The following CEP164 variants were observed in gnomAD, a reference collection of about 807,000 sequenced individuals.
CEP164 encodes centrosomal protein of 164 kDa.
A neutral mutation model predicts 182.7 loss-of-function variants in CEP164; 162 were observed. The ratio of observed to expected loss-of-function variants is 0.89; its 90% CI spans 0.78 to 1.01. The LOEUF is 1.01. Ranked by LOEUF, CEP164 falls within the 50% of genes least tolerant of loss-of-function variation. CEP164 has a pLI of 0.00. For synonymous variants in CEP164, 661 were observed against 690.0 expected (o/e 0.96, Z 0.66); for missense variants, 1,735 against 1,790.4 (o/e 0.97, Z 0.56).
chr11:117,406,043 C>T (rs1592481343), intron 27 of CEP164, among the ~76,000 whole-genome samples: 1 of 152,224 alleles, frequency 6.6e-6, no homozygotes, highest in Non-Finnish European at 1.5e-5. Flanking sequence ...CTGCCTGTTA[C>T]CCATTTCCAA....
chr11:117,339,950 A>G (rs959544148), intron 3 of CEP164, among the ~76,000 whole-genome samples: 1 of 152,140 alleles, frequency 6.6e-6, no homozygotes, highest in Non-Finnish European at 1.5e-5. Context: ...ATACAGTTCT[A>G]TTCTAAGTGG....
Position 117,363,468 on chromosome 11 carries a change from C to G in CEP164, c.727C>G (p.Leu243Val). ...SSSEPLRNLH[L>V]DIGALGGDFE... ...AAGTGAGCCTCTTAGGAACCTACAC[C>G]TGGACATTGGGGCACTGGGGGGTGA... Residue 243 changes from leucine (L) to valine (V), a missense_variant, in exon 8 of 33, where the codon CTG (leucine) becomes GTG (valine). Leu to Val is a conservative substitution (Grantham distance 32). Coordinates refer to ENST00000278935, the MANE Select transcript of CEP164 (RefSeq NM_014956.5). 6.2e-7 allele frequency: 1 copy of G among 1,614,078 alleles called. No homozygotes were observed. The highest frequency in any genetic ancestry group is 1.3e-5 in the African/African-American group (1 of 75,038).
chr11:117,328,815 G>A (rs1350244453), intron 1 of CEP164, among the ~76,000 whole-genome samples: 2 of 152,188 alleles, frequency 1.3e-5, no homozygotes, highest in African/African-American at 4.8e-5. Context: ...TAGTAGGTGG[G>A]GCTGCCTATT....
intron 27 of CEP164, among the ~76,000 whole-genome samples, chr11:117,398,407 G>A (rs1485229600): frequency 1.3e-5 from 2 of 152,184 alleles, no homozygotes; most frequent in African/African-American, 4.8e-5. Context: ...TACCATTCTG[G>A]GGGTCTGGAG....
chr11:117,355,904 G>A (rs1483408050), intron 5 of CEP164: 5 of 1,040,910 alleles, frequency 4.8e-6, no homozygotes, highest in Non-Finnish European at 5.8e-6. Flanking sequence ...GAGGGCTCCC[G>A]AGGAGCCTCC....
At chr11:117,367,302 G>A (rs1156400601) in intron 8 of CEP164, among the ~76,000 whole-genome samples, 2 of 152,216 alleles carry the variant, frequency 1.3e-5, no homozygotes, top group Non-Finnish European at 2.9e-5. Flanking sequence ...CCACCCTTGA[G>A]GTGCTGTCCT....
intron 1 of CEP164, among the ~76,000 whole-genome samples, chr11:117,333,217 G>T (rs910303953): frequency 9.9e-5 from 15 of 151,786 alleles, no homozygotes. Context: ...TCACTATGTT[G>T]ACCCAGCTAG....
Position 117,396,164 on chromosome 11 carries a change from G to A in CEP164, c.3200G>A (p.Arg1067Lys). ...CCAGATCTCCATATTGAGGACCTGA[G>A]GAAATCCCTTGGAACAGTGAGCTGG... ...FEPDLHIEDL[R>K]KSLGTNQTKE... Residue 1067 changes from arginine to lysine, a missense_variant, in exon 25 of 33, where the codon AGG (arginine) becomes AAG (lysine). Transcript: ENST00000278935. The A allele has an allele frequency of 6.3e-7, 1 of 1,575,286 alleles. No homozygotes were observed. The highest frequency in any genetic ancestry group is 8.7e-7 in the Non-Finnish European group (1 of 1,155,300).
At chr11:117,377,643 C>A (rs1029733256) in intron 11 of CEP164, among the ~76,000 whole-genome samples, 1 of 152,182 alleles carries the variant, frequency 6.6e-6, no homozygotes, top group Non-Finnish European at 1.5e-5. Context: ...CCATGTCTCT[C>A]TCAAGGGCAG....
At chr11:117,377,180 A>C (rs556481682) in intron 11 of CEP164, among the ~76,000 whole-genome samples, 8 of 92,444 alleles carry the variant, frequency 8.7e-5, no homozygotes, top group Non-Finnish European at 1.3e-4. Context: ...CTTGGAAGAC[A>C]GTTTTTCCAG....
rs1329538294 is a variant in CEP164, at chr11:117,397,333, G to A, written c.3501+20G>A. The stretch of plus-strand genomic sequence containing the variant: ...GAGAAGGTCAGGAGCTTTGGGAAGG[G>A]CCTGCCAGCCCTGTGTGGGGGAGGC... On this transcript the variant is annotated intron_variant, in intron 27 of 32. Coordinates refer to ENST00000278935, the MANE Select transcript of CEP164 (RefSeq NM_014956.5). 1 of 1,603,486 alleles carries A rather than the reference G, an allele frequency of 6.2e-7. No individual in the cohort carries two copies. Among genetic ancestry groups the A allele is most frequent in the East Asian group, 2.2e-5 (1 of 44,670 alleles).
upstream of CEP164, among the ~76,000 whole-genome samples, chr11:117,325,535 G>A (rs2035398316): frequency 6.6e-6 from 1 of 151,746 alleles, no homozygotes; most frequent in Non-Finnish European, 1.5e-5. Context: ...ACAGGTGCCT[G>A]CCACCACAAC....
At chr11:117,359,568 G>A (rs1054553263) in intron 5 of CEP164, 3 of 985,308 alleles carry the variant, frequency 3.0e-6, no homozygotes, top group Non-Finnish European at 3.6e-6. Flanking sequence ...CAGGTGAGAA[G>A]ATGGATCTTC....
upstream of CEP164, among the ~76,000 whole-genome samples, chr11:117,326,480 G>A (rs1435752695): frequency 6.6e-6 from 1 of 151,978 alleles, no homozygotes; most frequent in African/African-American, 2.4e-5. Flanking sequence ...TGATCCACCC[G>A]CCTTGGCCTC....
At position 117,409,201 on chromosome 11, in the gene CEP164, C is replaced by A. The variant is rs530659786; in HGVS notation, c.3748+173C>A. On this transcript the variant is annotated intron_variant, in intron 29 of 32. Coordinates refer to ENST00000278935, the MANE Select transcript of CEP164 (RefSeq NM_014956.5). This position sits in a 1 kb window ranked among gnomAD's most constrained non-coding sequence, Gnocchi z 4.4. ...AAGGAATCACACCATCTAGGTTTGC[C>A]AGCACGTGGGGCTGAAAGGTCAGGG... 76 of 860,152 alleles carry A rather than the reference C, an allele frequency of 8.8e-5. 1 individual carries two copies. The African/African-American group carries it at 1.1e-3, about 12-fold the overall frequency. The allele number at this position is 860,152 out of a possible 1,614,324, so 53.3% of individuals were successfully genotyped here.
chr11:117,381,269 C>G (rs761107365), intron 12 of CEP164, among the ~76,000 whole-genome samples: 10 of 152,240 alleles, frequency 6.6e-5, no homozygotes, highest in African/African-American at 7.2e-5. Context: ...GGTCATTTCA[C>G]TTTTGGACCT....
At chr11:117,410,751 C>A in intron 30 of CEP164, 77 bp from the exon 31 acceptor site, 1 of 1,217,368 alleles carries the variant, frequency 8.2e-7, no homozygotes, top group Non-Finnish European at 1.2e-6. Flanking sequence ...ATTGTTTATT[C>A]TGGGGAGGCA....
Position 117,396,101 on chromosome 11 carries a change from TGACAG to T in CEP164, c.3138_3142del (p.Thr1047Ter). 6.2e-7 allele frequency: 1 copy of T among 1,613,800 alleles called. No individual in the cohort carries two copies. Among genetic ancestry groups the T allele is most frequent in the Non-Finnish European group, 8.5e-7 (1 of 1,179,948 alleles). On this transcript the variant is annotated frameshift_variant, in exon 25 of 33. Coordinates refer to ENST00000278935, the MANE Select transcript of CEP164 (RefSeq NM_014956.5). LOFTEE classifies it high-confidence loss of function. ...AAGAAGCAGCACCTGTTGAGAGAAG[TGACAG>T]TTGAGGAAAATAATGCTTCCCCACA... is the stretch of plus-strand genomic sequence containing the variant.
chr11:117,405,287 C>T (rs1049764252), intron 27 of CEP164, among the ~76,000 whole-genome samples: 2 of 152,204 alleles, frequency 1.3e-5, no homozygotes, highest in Admixed American at 6.5e-5. Flanking sequence ...GTGGTGTAGG[C>T]ACCCGAGGGA....
Sources: allele counts gnomAD v4.1 joint callset (sites outside exome capture counted in the v4.1 genomes callset), GRCh38; gene constraint gnomAD v4.1.1; non-coding constraint Gnocchi (gnomAD v3.1); transcripts MANE v1.5; gene names NCBI Gene and HGNC (gene_info 2026-07-23, HGNC 2026-07-21).